The following OR5B3 variants were observed in gnomAD, a reference collection of about 807,000 sequenced individuals.
OR5B3 encodes olfactory receptor 5B3.
For missense variants in OR5B3, 430 were observed against 375.4 expected (o/e 1.15, Z -1.20); for synonymous variants, 150 against 135.0 (o/e 1.11, Z -0.77).
At chr11:58,406,207 GAGTT>G (rs2119897547) in intron 1 of OR5B3, among the ~76,000 whole-genome samples, 1 of 139,792 alleles carries the variant, frequency 7.2e-6, no homozygotes, top group South Asian at 2.3e-4. Flanking sequence ...AAGAGAGAGA[GAGTT>G]AGATAGTATT....
intron 1 of OR5B3, among the ~76,000 whole-genome samples, chr11:58,404,110 A>G (rs1298300357): frequency 6.6e-6 from 1 of 152,068 alleles, no homozygotes; most frequent in Non-Finnish European, 1.5e-5. Context: ...ATGCTTAGTA[A>G]ATGGGCTGGG....
chr11:58,403,826 T>C (rs1855068355), intron 1 of OR5B3, among the ~76,000 whole-genome samples: 1 of 152,212 alleles, frequency 6.6e-6, no homozygotes, highest in Non-Finnish European at 1.5e-5. Context: ...ATTATTTCCT[T>C]TCTACAATAT....
chr11:58,402,831 G>A lies in OR5B3; in HGVS notation c.579C>T (p.Ser193=), dbSNP rs763347958. Residue 193 remains serine (S), a synonymous_variant, in exon 2 of 2, where the codon AGC becomes AGT. Transcript: ENST00000641865. ...TCACAACATAAATAAGAACAAGCTC[G>A]CTAATATGTCTATCAGAGCAAGAGA... ...MVLSCSDRHI[S]ELVLIYVVSF... is the part of the protein sequence containing the mutation. The A allele has an allele frequency of 9.3e-6, 15 of 1,613,600 alleles. No homozygotes were observed. The highest frequency in any genetic ancestry group is 2.2e-5 in the East Asian group (1 of 44,888).
chr11:58,404,827 T>C (rs565884172), intron 1 of OR5B3, among the ~76,000 whole-genome samples: 188 of 152,292 alleles, frequency 1.2e-3, no homozygotes, highest in Non-Finnish European at 2.0e-3. Context: ...GCAAGTTCCA[T>C]GTGATAAAAT....
At chr11:58,406,523 C>T (rs534587033) in intron 1 of OR5B3, among the ~76,000 whole-genome samples, 1 of 151,266 alleles carries the variant, frequency 6.6e-6, no homozygotes, top group African/African-American at 2.4e-5. Context: ...TCATGAGAAA[C>T]CAATATATAA....
chr11:58,405,364 T>C (rs1043093815), intron 1 of OR5B3, among the ~76,000 whole-genome samples: 8 of 152,120 alleles, frequency 5.3e-5, no homozygotes, highest in African/African-American at 1.9e-4. Flanking sequence ...CCATCAATGA[T>C]AGACTGGATA....
chr11:58,403,529 AC>A (rs1208592869), intron 1 of OR5B3, 94 bp from the exon 2 acceptor site: 1 of 580,256 alleles, frequency 1.7e-6, no homozygotes, highest in African/African-American at 1.9e-5. Flanking sequence ...TGTAGCAATA[AC>A]TTGTACTTCA....
At position 58,403,442 on chromosome 11, in the gene OR5B3, G is replaced by T; in HGVS notation, c.-26-7C>A. On this transcript the variant is annotated splice_region_variant and splice_polypyrimidine_tract_variant and intron_variant, in intron 1 of 1. Coordinates refer to ENST00000641865, the MANE Select transcript of OR5B3 (RefSeq NM_001005469.2). ...CTGGGGGACTCACAGGATGCTTGTA[G>T]CAATACAAAAAAGAACAGTGTGATA... is the stretch of plus-strand genomic sequence containing the variant. 1 of 1,213,172 alleles carries T rather than the reference G, an allele frequency of 8.2e-7. No homozygotes were observed. The highest frequency in any genetic ancestry group is 1.2e-6 in the Non-Finnish European group (1 of 863,700). 75.2% of individuals were successfully genotyped at this position (1,213,172 alleles called of 1,614,324 possible).
In OR5B3 at chr11:58,402,879, A is replaced by C. The variant is rs2119889188; in HGVS notation, c.531T>G (p.Cys177Trp). The C allele has an allele frequency of 6.2e-7, 1 of 1,614,010 alleles. No individual in the cohort carries two copies. Among genetic ancestry groups the C allele is most frequent in the East Asian group, 2.2e-5 (1 of 44,882 alleles). ...CKSNEVHHFF[C>W]DIPAVMVLSC... ...AGAGAACCATGACTGCTGGAATATC[A>C]CAGAAAAAGTGATGGACTTCATTGG... Residue 177 changes from cysteine (C) to tryptophan (W), a missense_variant, in exon 2 of 2, where the codon TGT becomes TGG. Cys to Trp is a radical substitution (Grantham distance 215). Coordinates refer to ENST00000641865, the MANE Select transcript of OR5B3 (RefSeq NM_001005469.2).
chr11:58,405,905 A>T (rs1041102917), intron 1 of OR5B3, among the ~76,000 whole-genome samples: 1 of 152,146 alleles, frequency 6.6e-6, no homozygotes, highest in African/African-American at 2.4e-5. Context: ...GGAATACTAC[A>T]CAGCCATGAA....
chr11:58,405,412 C>T (rs994471588), intron 1 of OR5B3, among the ~76,000 whole-genome samples: 1 of 152,094 alleles, frequency 6.6e-6, no homozygotes, highest in African/African-American at 2.4e-5. Context: ...GAATACTATG[C>T]AGCCATAAAA....
chr11:58,406,157 G>A (rs1855096302), intron 1 of OR5B3, among the ~76,000 whole-genome samples: 1 of 152,010 alleles, frequency 6.6e-6, no homozygotes, highest in Non-Finnish European at 1.5e-5. Context: ...AATAATGTGT[G>A]TGTATATGCG....
Position 58,402,957 on chromosome 11 carries a change from G to A in OR5B3, c.453C>T (p.Phe151=), listed in dbSNP as rs184127928. Residue 151 remains phenylalanine (F), a synonymous_variant, in exon 2 of 2, where the codon TTC becomes TTT. Transcript: ENST00000641865. ...RLAIGSYLCG[F]LNASIHTGDT... is the part of the protein sequence containing the mutation. ...CCCCAGTGTGGATGGAGGCATTCAG[G>A]AAACCACAGAGGTAGGAGCCTATGG... 98 of 1,613,926 alleles carry A rather than the reference G, an allele frequency of 6.1e-5. No individual in the cohort carries two copies. The highest frequency in any genetic ancestry group is 1.6e-4 in the Middle Eastern group (1 of 6,062).
chr11:58,403,563 C>A, intron 1 of OR5B3, 128 bp from the exon 2 acceptor site: 1 of 516,180 alleles, frequency 1.9e-6, no homozygotes, highest in African/African-American at 1.9e-5. Flanking sequence ...AAAAGCGCGG[C>A]CTTGACAACC....
At chr11:58,406,593 T>C (rs1444751984) in intron 1 of OR5B3, among the ~76,000 whole-genome samples, 3 of 152,162 alleles carry the variant, frequency 2.0e-5, no homozygotes, top group Non-Finnish European at 4.4e-5. Flanking sequence ...TTTTTGTTCA[T>C]ATCTTTGGAG....
rs1381154922 is a variant in OR5B3, at chr11:58,403,127, A to T, written c.283T>A (p.Cys95Ser). The change falls in exon 2 of 2, where the codon TGT (cysteine) becomes AGT (serine). Residue 95 changes from cysteine to serine, a missense_variant. Coordinates refer to ENST00000641865, the MANE Select transcript of OR5B3 (RefSeq NM_001005469.2). ...ACAAAGATATACATTTGAGCAGCAC[A>T]TGCATTGTAAGAGATGACCTTGTCT... is the stretch of plus-strand genomic sequence containing the variant. The part of the protein sequence containing the change: ...IEDKVISYNA[C>S]AAQMYIFVAF... 6.2e-7 allele frequency: 1 copy of T among 1,614,150 alleles called. No homozygotes were observed. The highest frequency in any genetic ancestry group is 8.5e-7 in the Non-Finnish European group (1 of 1,179,968).
chr11:58,402,900 A>G lies in OR5B3; in HGVS notation c.510T>C (p.Asn170=). ...DTFSLSFCKS[N]EVHHFFCDIP... is the part of the protein sequence containing the mutation. ...TATCACAGAAAAAGTGATGGACTTC[A>G]TTGGACTTACAGAAAGAGAGACTAA... is the stretch of plus-strand genomic sequence containing the variant. The change falls in exon 2 of 2, where the codon AAT becomes AAC. Residue 170 remains asparagine, a synonymous_variant. Coordinates refer to ENST00000641865, the MANE Select transcript of OR5B3 (RefSeq NM_001005469.2). 6.2e-7 allele frequency: 1 copy of G among 1,614,060 alleles called. No homozygotes were observed. The highest frequency in any genetic ancestry group is 1.1e-5 in the South Asian group (1 of 91,086).
At chr11:58,404,692 A>T (rs372208793) in intron 1 of OR5B3, among the ~76,000 whole-genome samples, 5 of 151,990 alleles carry the variant, frequency 3.3e-5, no homozygotes, top group South Asian at 2.1e-4. Flanking sequence ...TGGGTAAAAA[A>T]GTTTCTTTTT....
intron 1 of OR5B3, among the ~76,000 whole-genome samples, chr11:58,404,099 T>C (rs1416514284): frequency 6.6e-6 from 1 of 152,106 alleles, no homozygotes; most frequent in African/African-American, 2.4e-5. Flanking sequence ...GCAAGTAATA[T>C]ATGCTTAGTA....
Sources: allele counts gnomAD v4.1 joint callset (sites outside exome capture counted in the v4.1 genomes callset), GRCh38; gene constraint gnomAD v4.1.1; transcripts MANE v1.5; gene names NCBI Gene and HGNC (gene_info 2026-07-23, HGNC 2026-07-21).